BAG4: variants seen among roughly 807,000 people sequenced by gnomAD.
BAG4 encodes the protein BAG cochaperone 4, also known as BAG family molecular chaperone regulator 4.
Under a neutral mutation model 52.1 loss-of-function variants are expected in BAG4, and 28 were observed. The ratio of observed to expected loss-of-function variants is 0.54; its 90% CI spans 0.40 to 0.74. BAG4 has a LOEUF of 0.74. Ranked by LOEUF, BAG4 falls within the 30% of genes least tolerant of loss-of-function variation. The pLI is 0.00. For missense variants in BAG4, 525 were observed against 572.0 expected, an observed-to-expected ratio of 0.92 and a Z score of 0.84; for synonymous variants, 208 against 217.0, an observed-to-expected ratio of 0.96 and a Z score of 0.37.
chr8:38,190,319 T>C (rs1464220586), intron 1 of BAG4, among the ~76,000 whole-genome samples: 1 of 152,240 alleles, frequency 6.6e-6, no homozygotes, highest in Non-Finnish European at 1.5e-5. Flanking sequence ...TTTAAGATAT[T>C]TTTAAATTTC....
At position 38,188,934 on chromosome 8, in the gene BAG4, C is replaced by T. The variant is rs576598375; in HGVS notation, c.271-3754C>T. Among the ~76,000 whole-genome samples, 36 of 150,848 alleles carry T rather than the reference C, an allele frequency of 2.4e-4. No homozygotes were observed. The South Asian group carries it at 6.3e-3, about 26-fold the overall frequency. ...TCAACCTCCCAAGTAGCTAGGACTA[C>T]GGGTGTGTGCCACCATGCCCGGCTA... On this transcript the variant is annotated intron_variant, in intron 1 of 4. Coordinates refer to ENST00000287322, the MANE Select transcript of BAG4 (RefSeq NM_004874.4).
intron 1 of BAG4, among the ~76,000 whole-genome samples, chr8:38,185,103 A>AAG (rs1803342758): frequency 6.6e-6 from 1 of 151,930 alleles, no homozygotes; most frequent in East Asian, 1.9e-4. Flanking sequence ...AAAAAAAAAA[A>AAG]AAATAGAATG....
At chr8:38,185,198 T>A (rs1585652567) in intron 1 of BAG4, among the ~76,000 whole-genome samples, 1 of 152,134 alleles carries the variant, frequency 6.6e-6, no homozygotes, top group East Asian at 1.9e-4. Flanking sequence ...ATATACTAAT[T>A]GTTATTGTGT....
At chr8:38,184,484 A>G (rs949793592) in intron 1 of BAG4, among the ~76,000 whole-genome samples, 3 of 151,520 alleles carry the variant, frequency 2.0e-5, no homozygotes, top group African/African-American at 7.3e-5. Flanking sequence ...ATAAAATAAA[A>G]TAAAATAAAA....
intron 2 of BAG4, among the ~76,000 whole-genome samples, chr8:38,198,276 C>T (rs924036196): frequency 2.0e-5 from 3 of 148,720 alleles, no homozygotes; most frequent in East Asian, 2.1e-4. Context: ...TCCAGCTACT[C>T]GGGAGGCTGA....
At chr8:38,203,281 A>ATTTTTTT (rs751296737) in intron 2 of BAG4, among the ~76,000 whole-genome samples, 1 of 123,502 alleles carries the variant, frequency 8.1e-6, no homozygotes, top group Admixed American at 8.2e-5. Flanking sequence ...GTCTTGAGGA[A>ATTTTTTT]TTTTTTTTTT....
chr8:38,204,003 TTGCCACGTTTCTGAA>T (rs1803727669), intron 2 of BAG4: 1 of 152,162 alleles, frequency 6.6e-6, no homozygotes, highest in Admixed American at 6.6e-5. Flanking sequence ...CTTAAAAACT[TTGCCACGTTTCTGAA>T]ATAGGATCTT....
chr8:38,177,049 C>T lies in BAG4; in HGVS notation c.180C>T (p.Thr60=). The T allele has an allele frequency of 6.2e-7, 1 of 1,609,360 alleles. No homozygotes were observed. The change falls in exon 1 of 5, where the codon ACC becomes ACT. Residue 60 remains threonine, a synonymous_variant. Transcript: ENST00000287322. ...WRVRGGGPAE[T]TWLGEGGGGD... The stretch of plus-strand genomic sequence containing the variant: ...TGCGCGGGGGCGGCCCGGCGGAGAC[C>T]ACCTGGCTGGGAGAAGGCGGAGGAG...
intron 2 of BAG4, among the ~76,000 whole-genome samples, chr8:38,206,201 G>A (rs911790302): frequency 6.6e-6 from 1 of 151,462 alleles, no homozygotes; most frequent in African/African-American, 2.4e-5. Context: ...CTTGAATCTG[G>A]GGGGTGGAGG....
At chr8:38,183,014 T>C (rs1407871741) in intron 1 of BAG4, among the ~76,000 whole-genome samples, 1 of 149,122 alleles carries the variant, frequency 6.7e-6, no homozygotes, top group Non-Finnish European at 1.5e-5. Context: ...CCACCACAAC[T>C]GAGCTATACA....
In BAG4 at chr8:38,176,857, G is replaced by C; in HGVS notation, c.-13G>C. 6.7e-7 allele frequency: 1 copy of C among 1,492,822 alleles called. No individual in the cohort carries two copies. The highest frequency in any genetic ancestry group is 8.9e-7 in the Non-Finnish European group (1 of 1,119,686). 92.5% of individuals were successfully genotyped at this position (1,492,822 alleles called of 1,614,324 possible). Reference sequence around the variant, plus strand: ...GGGAGCGGGGCGGGAAGCGCTTCAGGGCAGCGGATCCCATGTCGGCCCTGA... The same window carrying C: ...GGGAGCGGGGCGGGAAGCGCTTCAGCGCAGCGGATCCCATGTCGGCCCTGA... On this transcript the variant is annotated 5_prime_UTR_variant, in exon 1 of 5. Transcript: ENST00000287322.
intron 1 of BAG4, among the ~76,000 whole-genome samples, chr8:38,185,553 A>G (rs1803350973): frequency 6.6e-6 from 1 of 152,168 alleles, no homozygotes; most frequent in African/African-American, 2.4e-5. Flanking sequence ...AATATAGCAA[A>G]TGAAGAAACA....
intron 2 of BAG4, among the ~76,000 whole-genome samples, chr8:38,198,363 A>G (rs11777460): frequency 5.4e-4 from 79 of 147,226 alleles, no homozygotes; most frequent in Middle Eastern, 3.5e-3. Flanking sequence ...CAGCCTGGGC[A>G]ACAGAGCGAG....
intron 1 of BAG4, among the ~76,000 whole-genome samples, chr8:38,184,506 T>G (rs1488808771): frequency 6.8e-6 from 1 of 146,936 alleles, no homozygotes; most frequent in African/African-American, 2.6e-5. Context: ...AAAATAAAAA[T>G]ATAAAAAGAA....
intron 1 of BAG4, among the ~76,000 whole-genome samples, chr8:38,183,073 CT>C (rs1803300339): frequency 8.3e-6 from 1 of 120,282 alleles, no homozygotes; most frequent in Admixed American, 1.0e-4. Context: ...TAGACAGAGT[CT>C]CTCTTTGTCG....
In BAG4 at chr8:38,212,157, C is replaced by A. The variant is rs1803877203; in HGVS notation, c.*1664C>A. 2 of 152,048 alleles carry A rather than the reference C, an allele frequency of 1.3e-5. No individual in the cohort carries two copies. Among genetic ancestry groups the A allele is most frequent in the South Asian group, 2.1e-4 (1 of 4,828 alleles). The allele number at this position is 152,048 out of a possible 1,614,324, so 9.4% of individuals were successfully genotyped here. A position where few individuals can be genotyped will look rare whatever the true frequency, so the allele number is the denominator to read the frequency against. ...CTAATATAGGAATGTTTAAAAAAGGCTTTTCTATGAAAATTAGAAATTTAT... is the reference window on the plus strand; with the variant it reads ...CTAATATAGGAATGTTTAAAAAAGGATTTTCTATGAAAATTAGAAATTTAT... On this transcript the variant is annotated 3_prime_UTR_variant, in exon 5 of 5. Coordinates refer to ENST00000287322, the MANE Select transcript of BAG4 (RefSeq NM_004874.4).
rs1213877475 is a variant in BAG4, at chr8:38,211,762, A to G, written c.*1269A>G. 2 of 152,186 alleles carry G rather than the reference A, an allele frequency of 1.3e-5. No homozygotes were observed. The highest frequency in any genetic ancestry group is 6.5e-5 in the Admixed American group (1 of 15,274). 9.4% of individuals were successfully genotyped at this position (152,186 alleles called of 1,614,324 possible). On this transcript the variant is annotated 3_prime_UTR_variant, in exon 5 of 5. Coordinates refer to ENST00000287322, the MANE Select transcript of BAG4 (RefSeq NM_004874.4). ...TATTACCATTATTAACAGTCATTTT[A>G]GAGCCAAATTTAAGAAAAGGATATT...
chr8:38,199,330 A>G (rs1436453334), intron 2 of BAG4, among the ~76,000 whole-genome samples: 1 of 152,212 alleles, frequency 6.6e-6, no homozygotes, highest in Non-Finnish European at 1.5e-5. Context: ...GCATGACTGT[A>G]TATGATTTGC....
At chr8:38,193,401 G>A (rs1454630626) in intron 2 of BAG4, among the ~76,000 whole-genome samples, 2 of 151,798 alleles carry the variant, frequency 1.3e-5, no homozygotes, top group South Asian at 2.1e-4. Context: ...CCTGGGCGAC[G>A]AGTGAGACTC....
Sources: allele counts gnomAD v4.1 joint callset (sites outside exome capture counted in the v4.1 genomes callset), GRCh38; gene constraint gnomAD v4.1.1; transcripts MANE v1.5; gene names NCBI Gene and HGNC (gene_info 2026-07-23, HGNC 2026-07-21).